Variants in ANXA10 observed in about 807,000 individuals in gnomAD.
ANXA10 encodes the protein annexin A10, also known as annexin 14.
Under a neutral mutation model 53.5 loss-of-function variants are expected in ANXA10, and 49 were observed. The ratio of observed to expected loss-of-function variants is 0.92; its 90% CI spans 0.73 to 1.16. The LOEUF (loss-of-function observed/expected upper bound fraction) is 1.16, where lower values mean the gene tolerates loss of function less well. Among genes scored for constraint, ANXA10 ranks in the 50% most tolerant of loss-of-function variants. ANXA10 has a pLI of 0.00. For missense variants in ANXA10, 393 were observed against 394.4 expected, an observed-to-expected ratio of 1.00 and a Z score of 0.03; for synonymous variants, 131 against 128.9, an observed-to-expected ratio of 1.02 and a Z score of -0.11.
At chr4:168,171,523 T>C (rs570734500) in intron 6 of ANXA10, among the ~76,000 whole-genome samples, 1 of 152,326 alleles carries the variant, frequency 6.6e-6, no homozygotes, top group South Asian at 2.1e-4. Context: ...CACACCCATT[T>C]TTTTTGAATT....
chr4:168,139,430 T>C (rs920608380), intron 2 of ANXA10, 56 bp from the exon 3 acceptor site: 1 of 1,441,754 alleles, frequency 6.9e-7, no homozygotes, highest in Non-Finnish European at 9.7e-7. Flanking sequence ...GATAAAGGAT[T>C]CTTCCCAACT....
At chr4:168,139,685 T>A in intron 3 of ANXA10, 105 bp downstream of exon 3, 1 of 700,438 alleles carries the variant, frequency 1.4e-6, no homozygotes. Context: ...ATTGCAAATA[T>A]CTCAGACATC....
intron 10 of ANXA10, among the ~76,000 whole-genome samples, chr4:168,182,192 C>T (rs1732261877): frequency 6.6e-6 from 1 of 151,832 alleles, no homozygotes; most frequent in Non-Finnish European, 1.5e-5. Context: ...GAACATTGTG[C>T]TATTTTCAAA....
intron 2 of ANXA10, among the ~76,000 whole-genome samples, chr4:168,129,928 G>T (rs1731131913): frequency 6.6e-6 from 1 of 152,006 alleles, no homozygotes; most frequent in African/African-American, 2.4e-5. Context: ...TAATTGCTAG[G>T]TCAGCCCTGT....
intron 6 of ANXA10, among the ~76,000 whole-genome samples, chr4:168,168,673 C>T (rs1731925888): frequency 1.3e-5 from 2 of 152,190 alleles, no homozygotes; most frequent in African/African-American, 4.8e-5. Context: ...CCCGCCTCGG[C>T]CTCCCAAAGT....
rs1732251404 is a variant in ANXA10 at position 168,181,751 on chromosome 4, A to G, written c.783+10A>G. The G allele has an allele frequency of 1.3e-6, 2 of 1,546,326 alleles. No individual in the cohort carries two copies. The highest frequency in any genetic ancestry group is 1.4e-5 in the African/African-American group (1 of 73,170). The stretch of plus-strand genomic sequence containing the variant: ...ATATAGTGCAATTCATGTAAGTAAG[A>G]CATATATTTTTAAAATTTCTCCAGA... On this transcript the variant is annotated intron_variant, in intron 10 of 11. Transcript: ENST00000359299.
At chr4:168,163,086 A>G (rs919766397) in intron 4 of ANXA10, among the ~76,000 whole-genome samples, 2 of 151,918 alleles carry the variant, frequency 1.3e-5, no homozygotes, top group Non-Finnish European at 2.9e-5. Context: ...ATGTCTTTAT[A>G]TTTTCTTTTT....
intron 6 of ANXA10, among the ~76,000 whole-genome samples, chr4:168,166,736 G>T (rs1731888307): frequency 6.7e-6 from 1 of 149,752 alleles, no homozygotes; most frequent in South Asian, 2.1e-4. Context: ...CACATCAAAG[G>T]CATAGTAGTT....
chr4:168,127,999 C>T (rs1258091175), intron 1 of ANXA10, 85 bp from the exon 2 acceptor site: 9 of 1,228,504 alleles, frequency 7.3e-6, no homozygotes, highest in Non-Finnish European at 1.1e-5. Context: ...GCAGAGATTA[C>T]AGGTATGAGC....
intron 3 of ANXA10, among the ~76,000 whole-genome samples, chr4:168,151,683 A>T (rs1173332690): frequency 3.3e-5 from 5 of 152,232 alleles, no homozygotes. Flanking sequence ...TAGAGAACCT[A>T]TTTGAAGGCT....
intron 1 of ANXA10, among the ~76,000 whole-genome samples, chr4:168,119,211 G>T (rs563721574): frequency 6.6e-6 from 1 of 152,246 alleles, no homozygotes; most frequent in South Asian, 2.1e-4. Flanking sequence ...AGTGAAAAAG[G>T]AACTAATAGT....
Position 168,128,130 on chromosome 4 carries a change from A to T in ANXA10, c.65A>T (p.Asp22Val). The T allele has an allele frequency of 6.2e-7, 1 of 1,613,626 alleles. No individual in the cohort carries two copies. The highest frequency in any genetic ancestry group is 8.5e-7 in the Non-Finnish European group (1 of 1,179,738). Residue 22 changes from aspartate (D) to valine (V), a missense_variant, in exon 2 of 12, where the codon GAT (aspartate) becomes GTT (valine). Asp to Val is a radical substitution (Grantham distance 152). Coordinates refer to ENST00000359299, the MANE Select transcript of ANXA10 (RefSeq NM_007193.5). ...GCTCCCAATTTCAATCCCATAATGG[A>T]TGCCCAAATGCTAGGAGGAGCACTC... Reference protein sequence around the residue: ...FPAPNFNPIMDAQMLGGALQG... With the variant: ...FPAPNFNPIMVAQMLGGALQG...
chr4:168,092,539 C>T lies in ANXA10; in HGVS notation c.-162C>T, dbSNP rs2149462359. ...TACAGTATCTCAAGTCATGCTGTAT[C>T]CAGATTTGCTTTTACATTTTCTTGC... On this transcript the variant is annotated 5_prime_UTR_variant, in exon 1 of 12. Coordinates refer to ENST00000359299, the MANE Select transcript of ANXA10 (RefSeq NM_007193.5). 1.5e-6 allele frequency: 1 copy of T among 658,044 alleles called. No individual in the cohort carries two copies. The highest frequency in any genetic ancestry group is 2.6e-6 in the Non-Finnish European group (1 of 387,512). 40.8% of individuals were successfully genotyped at this position (658,044 alleles called of 1,614,324 possible).
At chr4:168,110,054 C>T (rs1461516815) in intron 1 of ANXA10, among the ~76,000 whole-genome samples, 1 of 152,064 alleles carries the variant, frequency 6.6e-6, no homozygotes, top group Non-Finnish European at 1.5e-5. Flanking sequence ...ACTAAAAATA[C>T]AAAAGAATTA....
intron 1 of ANXA10, among the ~76,000 whole-genome samples, chr4:168,115,184 C>T (rs1384302780): frequency 6.6e-6 from 1 of 152,118 alleles, no homozygotes; most frequent in Non-Finnish European, 1.5e-5. Flanking sequence ...TGCCCAGCCT[C>T]TGTACCTTGT....
chr4:168,093,726 C>T (rs896682643), intron 1 of ANXA10, among the ~76,000 whole-genome samples: 1 of 152,098 alleles, frequency 6.6e-6, no homozygotes, highest in African/African-American at 2.4e-5. Flanking sequence ...AAAATTATAA[C>T]ATAATTATTT....
At chr4:168,099,475 CAGT>C (rs1730606179) in intron 1 of ANXA10, among the ~76,000 whole-genome samples, 1 of 152,060 alleles carries the variant, frequency 6.6e-6, no homozygotes, top group Non-Finnish European at 1.5e-5. Context: ...ACAGTGAATA[CAGT>C]AGTCCCTTCA....
chr4:168,164,167 C>T, intron 4 of ANXA10, 31 bp from the exon 5 acceptor site: 1 of 1,479,558 alleles, frequency 6.8e-7, no homozygotes, highest in Non-Finnish European at 9.4e-7. Context: ...TAAAAATATC[C>T]TTACATTTAT....
At chr4:168,121,652 C>G (rs2149468491) in intron 1 of ANXA10, among the ~76,000 whole-genome samples, 1 of 152,230 alleles carries the variant, frequency 6.6e-6, no homozygotes, top group Non-Finnish European at 1.5e-5. Context: ...GCTTATTCAA[C>G]AAAATTCCAA....
Sources: allele counts gnomAD v4.1 joint callset (sites outside exome capture counted in the v4.1 genomes callset), GRCh38; gene constraint gnomAD v4.1.1; transcripts MANE v1.5; gene names NCBI Gene and HGNC (gene_info 2026-07-23, HGNC 2026-07-21).